Variants in FOSL2 observed in about 807,000 individuals in gnomAD.
The protein encoded by FOSL2 is FOS like 2, AP-1 transcription factor subunit, also known as fos-related antigen 2.
Under a neutral mutation model 27.7 loss-of-function variants are expected in FOSL2, and 3 were observed. That is an observed-to-expected ratio of 0.11 (90% confidence interval 0.05 to 0.28). FOSL2 has a LOEUF of 0.28. Ranked by LOEUF, FOSL2 falls within the 10% of genes least tolerant of loss-of-function variation. The pLI is 1.00. For missense variants in FOSL2, 333 were observed against 445.1 expected (o/e 0.75, Z 2.27); for synonymous variants, 179 against 190.1 (o/e 0.94, Z 0.48).
chr2:28,409,028 T>C lies in FOSL2; in HGVS notation c.462+162T>C, dbSNP rs567443770. Among the ~76,000 whole-genome samples the C allele has an allele frequency of 5.9e-5, 9 of 152,148 alleles. No homozygotes were observed. In the South Asian group the frequency reaches 1.9e-3, roughly 32 times the overall value. On this transcript the variant is annotated intron_variant, in intron 3 of 3. Transcript: ENST00000264716. ...CTTCCTTTGGACACATGGGTCAGCA[T>C]TGTGTTGATTGAAAAGAGAGAGAGA...
At chr2:28,406,004 G>T (rs969655405) in intron 2 of FOSL2, among the ~76,000 whole-genome samples, 2 of 151,668 alleles carry the variant, frequency 1.3e-5, no homozygotes. Context: ...GGGCTAGCAG[G>T]ACCACAAAGC....
intron 2 of FOSL2, among the ~76,000 whole-genome samples, chr2:28,405,173 G>A (rs1016529146): frequency 6.6e-6 from 1 of 152,158 alleles, no homozygotes; most frequent in Non-Finnish European, 1.5e-5. Flanking sequence ...GTCTTGGAAA[G>A]GGAAATCAGA....
At chr2:28,394,303 G>C (rs1380975784) in intron 1 of FOSL2, among the ~76,000 whole-genome samples, 1 of 152,130 alleles carries the variant, frequency 6.6e-6, no homozygotes, top group East Asian at 1.9e-4. Flanking sequence ...TTTCTGAAAG[G>C]GGTTGGGGAC....
intron 1 of FOSL2, chr2:28,396,809 C>CACACACACACACACACACACAA (rs1558564611): frequency 1.3e-4 from 20 of 150,520 alleles, no homozygotes; most frequent in African/African-American, 4.9e-4. Context: ...CACACACACA[C>CACACACACACACACACACACAA]ACACACACAC....
chr2:28,406,796 GGC>G (rs1664092055), intron 2 of FOSL2, among the ~76,000 whole-genome samples: 1 of 152,192 alleles, frequency 6.6e-6, no homozygotes, highest in Non-Finnish European at 1.5e-5. Flanking sequence ...AGCTTACTCC[GGC>G]CGTCCCCAGC....
intron 1 of FOSL2, among the ~76,000 whole-genome samples, chr2:28,398,974 G>C (rs1016629590): frequency 6.6e-6 from 1 of 152,322 alleles, no homozygotes; most frequent in South Asian, 2.1e-4. Context: ...GACAGATTGT[G>C]CCCTTATCCT....
At position 28,413,151 on chromosome 2, in the gene FOSL2, C is replaced by T; in HGVS notation, c.*703C>T. 4.7e-6 allele frequency: 1 copy of T among 211,832 alleles called. No homozygotes were observed. The allele number at this position is 211,832 out of a possible 1,614,324, so 13.1% of individuals were successfully genotyped here. A position where few individuals can be genotyped will look rare whatever the true frequency, so the allele number is the denominator to read the frequency against. Reference sequence around the variant, plus strand: ...GGGAGGCTCAGAGGACCCTTCCTGCCCACCTTCGGAGACGGCTTCTGGAGG... The same window carrying T: ...GGGAGGCTCAGAGGACCCTTCCTGCTCACCTTCGGAGACGGCTTCTGGAGG... On this transcript the variant is annotated 3_prime_UTR_variant, in exon 4 of 4. Transcript: ENST00000264716.
chr2:28,403,605 G>C (rs1352159562), intron 1 of FOSL2, among the ~76,000 whole-genome samples: 2 of 152,214 alleles, frequency 1.3e-5, no homozygotes, highest in African/African-American at 2.4e-5. Flanking sequence ...AAGTGACAAA[G>C]GCAGACACAG....
In FOSL2 at chr2:28,393,800, CCAG is replaced by C; in HGVS notation, c.82_84del (p.Ser28del). The C allele has an allele frequency of 6.2e-7, 1 of 1,601,688 alleles. No homozygotes were observed. Among genetic ancestry groups the C allele is most frequent in the Middle Eastern group, 1.7e-4 (1 of 6,032 alleles). ...TCTCCTGCGCACGCCGAGTCCTACT[CCAG>C]CGGCGGCGGCGGCCAGCAGGTAGGT... On this transcript the variant is annotated inframe_deletion, in exon 1 of 4. Transcript: ENST00000264716. The surrounding 1 kb of genome is among the most constrained non-coding windows in gnomAD (Gnocchi z 4.6).
intron 1 of FOSL2, among the ~76,000 whole-genome samples, chr2:28,402,826 G>A (rs1273400944): frequency 6.6e-6 from 1 of 152,198 alleles, no homozygotes; most frequent in Admixed American, 6.5e-5. Context: ...TCCTGACCCC[G>A]CTGCTTATTA....
In FOSL2 at chr2:28,415,459, A is replaced by G. The variant is rs891293252; in HGVS notation, c.*3011A>G. 1.2e-4 allele frequency: 18 copies of G among 152,192 alleles called. No homozygotes were observed. Among genetic ancestry groups the G allele is most frequent in the Admixed American group, 4.6e-4 (7 of 15,280 alleles). The allele number at this position is 152,192 out of a possible 1,614,324, so 9.4% of individuals were successfully genotyped here. On this transcript the variant is annotated 3_prime_UTR_variant, in exon 4 of 4. Transcript: ENST00000264716. ...GCCAGGTGTGTCACACAAGCATCTC[A>G]AAGTCAAAAGCCATCTGGGGCTGCT...
intron 1 of FOSL2, chr2:28,396,877 T>C (rs1663855871): frequency 6.8e-6 from 1 of 146,786 alleles, no homozygotes; most frequent in East Asian, 2.0e-4. Context: ...TGTACCAGAC[T>C]GGGACATTCC....
chr2:28,393,483 C>G lies in FOSL2; in HGVS notation c.-238C>G, dbSNP rs1385282288. 2.0e-6 allele frequency: 1 copy of G among 491,506 alleles called. No homozygotes were observed. The highest frequency in any genetic ancestry group is 2.1e-5 in the African/African-American group (1 of 47,986). The allele number at this position is 491,506 out of a possible 1,614,324, so 30.4% of individuals were successfully genotyped here. A position where few individuals can be genotyped will look rare whatever the true frequency, so the allele number is the denominator to read the frequency against. On this transcript the variant is annotated 5_prime_UTR_variant, in exon 1 of 4. Coordinates refer to ENST00000264716, the MANE Select transcript of FOSL2 (RefSeq NM_005253.4). This position sits in a 1 kb window ranked among gnomAD's most constrained non-coding sequence, Gnocchi z 4.6. ...GGGAGGGATCGGGTGGACAACTGGTCCCGCGGCGCTCGCAGAGCCGGAAAG... is the reference window on the plus strand; with the variant it reads ...GGGAGGGATCGGGTGGACAACTGGTGCCGCGGCGCTCGCAGAGCCGGAAAG...
At chr2:28,409,253 T>C (rs1020966009) in intron 3 of FOSL2, among the ~76,000 whole-genome samples, 1 of 152,048 alleles carries the variant, frequency 6.6e-6, no homozygotes, top group African/African-American at 2.4e-5. Flanking sequence ...CTTCCCGAGG[T>C]TCCAGCCACT....
intron 1 of FOSL2, among the ~76,000 whole-genome samples, chr2:28,395,212 GC>G (rs2148075772): frequency 6.6e-6 from 1 of 152,312 alleles, no homozygotes; most frequent in Non-Finnish European, 1.5e-5. Flanking sequence ...TTGCTTCCCA[GC>G]CCCGCTAGTG....
chr2:28,400,570 C>T (rs1004216613), intron 1 of FOSL2, among the ~76,000 whole-genome samples: 1 of 152,118 alleles, frequency 6.6e-6, no homozygotes, highest in Non-Finnish European at 1.5e-5. Context: ...AGCCCCGGGC[C>T]CCTCTGGGGA....
chr2:28,396,404 AT>A (rs1162136071), intron 1 of FOSL2, among the ~76,000 whole-genome samples: 3 of 152,114 alleles, frequency 2.0e-5, no homozygotes, highest in Admixed American at 2.0e-4. Context: ...AAGGTTGGTC[AT>A]TGGTGATTTT....
rs934100434 is a variant in FOSL2 at position 28,414,555 on chromosome 2, C to T, written c.*2107C>T. The stretch of plus-strand genomic sequence containing the variant: ...GAGATGGGCAAAGAAAACTGGGGTG[C>T]ACTCAGCTCTCACAGGGGTAATCAT... On this transcript the variant is annotated 3_prime_UTR_variant, in exon 4 of 4. Transcript: ENST00000264716. 4.6e-5 allele frequency: 7 copies of T among 152,116 alleles called. No homozygotes were observed. The highest frequency in any genetic ancestry group is 1.7e-4 in the African/African-American group (7 of 41,406). The allele number at this position is 152,116 out of a possible 1,614,324, so 9.4% of individuals were successfully genotyped here.
intron 1 of FOSL2, among the ~76,000 whole-genome samples, chr2:28,398,279 C>T (rs1467141884): frequency 6.6e-6 from 1 of 152,244 alleles, no homozygotes; most frequent in Admixed American, 6.5e-5. Context: ...GTTCCAAACC[C>T]CATCTGGTAA....
Sources: allele counts gnomAD v4.1 joint callset (sites outside exome capture counted in the v4.1 genomes callset), GRCh38; gene constraint gnomAD v4.1.1; non-coding constraint Gnocchi (gnomAD v3.1); transcripts MANE v1.5; gene names NCBI Gene and HGNC (gene_info 2026-07-23, HGNC 2026-07-21).